CACNA1C: variants seen among roughly 807,000 people sequenced by gnomAD.
CACNA1C encodes the protein voltage-dependent L-type calcium channel subunit alpha-1C.
In CACNA1C, 30 loss-of-function variants were observed where a neutral mutation model predicts 229.0. The observed-to-expected ratio is 0.13, with a 90% CI of 0.10 to 0.18. The LOEUF is 0.18. Ranked by LOEUF, CACNA1C falls within the 10% of genes least tolerant of loss-of-function variation. The pLI is 1.00. For synonymous variants in CACNA1C, 1,114 were observed against 1,132.5 expected (o/e 0.98, Z 0.33); for missense variants, 1,658 against 2,845.0 (o/e 0.58, Z 9.49).
intron 45 of CACNA1C, 116 bp downstream of exon 45, chr12:2,686,385 C>A: frequency 1.2e-6 from 1 of 842,306 alleles, no homozygotes; most frequent in Non-Finnish European, 2.1e-6. Context: ...ATGGCTGGCA[C>A]GTCCTGCCCC....
chr12:2,426,500 T>C (rs1316830612), intron 3 of CACNA1C, among the ~76,000 whole-genome samples: 1 of 152,196 alleles, frequency 6.6e-6, no homozygotes, highest in Admixed American at 6.5e-5. Context: ...CAAGCTGTAT[T>C]TGAAAGGCAG....
At chr12:2,584,100 C>T (rs571868493) in intron 15 of CACNA1C, among the ~76,000 whole-genome samples, 21 of 152,326 alleles carry the variant, frequency 1.4e-4, no homozygotes, top group South Asian at 1.2e-3. Context: ...CCAAGCCACC[C>T]CCTCAGCGCC....
intron 3 of CACNA1C, among the ~76,000 whole-genome samples, chr12:2,260,607 C>T (rs931399480): frequency 1.1e-4 from 16 of 152,146 alleles, no homozygotes; most frequent in African/African-American, 2.7e-4. Context: ...GTGGGGCCCT[C>T]GGCCCGTCCT....
intron 1 of CACNA1C, among the ~76,000 whole-genome samples, chr12:2,080,204 G>A (rs1024285931): frequency 3.9e-5 from 6 of 152,190 alleles, no homozygotes; most frequent in Admixed American, 2.0e-4. Context: ...AGAGGTTACA[G>A]TGAGCTGAGA....
At chr12:2,557,274 TAAAAG>T (rs961783014) in intron 11 of CACNA1C, among the ~76,000 whole-genome samples, 1 of 152,198 alleles carries the variant, frequency 6.6e-6, no homozygotes, top group Non-Finnish European at 1.5e-5. Flanking sequence ...GAAGTCCAGT[TAAAAG>T]AAACATAAAG....
chr12:2,311,636 G>C (rs1050286192), intron 3 of CACNA1C, among the ~76,000 whole-genome samples: 1 of 152,186 alleles, frequency 6.6e-6, no homozygotes, highest in African/African-American at 2.4e-5. Flanking sequence ...CCTCTTCCGC[G>C]ATATGTCAGA....
chr12:2,120,215 T>C, intron 2 of CACNA1C, 110 bp from the exon 3 acceptor site: 1 of 739,746 alleles, frequency 1.4e-6, no homozygotes, highest in Non-Finnish European at 2.4e-6. Context: ...TGGAATGCAT[T>C]GTTTAAACAA....
chr12:2,430,052 G>C (rs985186920), intron 3 of CACNA1C, among the ~76,000 whole-genome samples: 4 of 152,148 alleles, frequency 2.6e-5, no homozygotes, highest in Admixed American at 6.5e-5. Context: ...TGGCAGACTT[G>C]GTGTCTGGTG....
chr12:2,592,109 G>C (rs550025400), intron 18 of CACNA1C, among the ~76,000 whole-genome samples: 76 of 152,316 alleles, frequency 5.0e-4, no homozygotes, highest in African/African-American at 1.6e-3. Context: ...GGGGGAAACT[G>C]TTCAACCCAC....
chr12:2,021,738 G>GGC (rs1411881558), intron 1 of CACNA1C, among the ~76,000 whole-genome samples: 2 of 152,116 alleles, frequency 1.3e-5, no homozygotes, highest in East Asian at 3.8e-4. Flanking sequence ...CCAAGATCTA[G>GGC]GCGCCAGCAT....
At chr12:2,607,207 T>C in intron 26 of CACNA1C, 77 bp downstream of exon 26, 3 of 1,466,702 alleles carry the variant, frequency 2.0e-6, no homozygotes, top group Non-Finnish European at 2.8e-6. Context: ...TCCCCAAGTT[T>C]TGTTAATGTC....
intron 3 of CACNA1C, among the ~76,000 whole-genome samples, chr12:2,440,367 A>C (rs1229811294): frequency 6.6e-6 from 1 of 152,138 alleles, no homozygotes; most frequent in African/African-American, 2.4e-5. Flanking sequence ...TGTAAGTGGG[A>C]TCATACGGTA....
At chr12:2,680,952 T>C (rs2097115907) in intron 42 of CACNA1C, among the ~76,000 whole-genome samples, 1 of 152,158 alleles carries the variant, frequency 6.6e-6, no homozygotes. Flanking sequence ...TGGCTTTGCA[T>C]AGGAGAGGAT....
chr12:2,224,007 C>A (rs2062177242), intron 3 of CACNA1C, among the ~76,000 whole-genome samples: 1 of 152,080 alleles, frequency 6.6e-6, no homozygotes, highest in African/African-American at 2.4e-5. Flanking sequence ...GGAGAGAATA[C>A]CTCTGGAGAA....
intron 1 of CACNA1C, among the ~76,000 whole-genome samples, chr12:2,000,795 G>T (rs1040581538): frequency 1.3e-5 from 2 of 152,200 alleles, no homozygotes; most frequent in African/African-American, 4.8e-5. Context: ...CCAGCACTTT[G>T]GGAGGCCGAG....
chr12:2,573,836 C>G (rs1458246197), intron 13 of CACNA1C, among the ~76,000 whole-genome samples: 1 of 152,208 alleles, frequency 6.6e-6, no homozygotes, highest in Non-Finnish European at 1.5e-5. Flanking sequence ...TTACAAAATG[C>G]TTCTATGAAT....
chr12:2,301,824 G>A (rs948449722), intron 3 of CACNA1C, among the ~76,000 whole-genome samples: 1 of 152,190 alleles, frequency 6.6e-6, no homozygotes, highest in Non-Finnish European at 1.5e-5. Flanking sequence ...GCCTGGCCCT[G>A]CAGTGGTGGG....
chr12:2,401,045 C>A (rs1056494773), intron 3 of CACNA1C, among the ~76,000 whole-genome samples: 5 of 152,214 alleles, frequency 3.3e-5, no homozygotes, highest in Non-Finnish European at 5.9e-5. Flanking sequence ...AGAAGCCCCC[C>A]AAGGCTTGGT....
At chr12:2,006,434 A>T (rs1045044350) in intron 1 of CACNA1C, among the ~76,000 whole-genome samples, 14 of 152,178 alleles carry the variant, frequency 9.2e-5, no homozygotes, top group African/African-American at 2.2e-4. Flanking sequence ...AAAAGTAATT[A>T]AAAAAATAAT....
Sources: gnomAD v4.1 joint callset for allele counts (sites outside exome capture counted in the v4.1 genomes callset) on GRCh38, gnomAD v4.1.1 for gene constraint, MANE v1.5 for transcripts, NCBI Gene and HGNC (gene_info 2026-07-23, HGNC 2026-07-21) for gene names.